Variants in MED12L observed in about 807,000 individuals in gnomAD.
The protein encoded by MED12L is mediator of RNA polymerase II transcription subunit 12-like protein.
Under a neutral mutation model 281.3 loss-of-function variants are expected in MED12L, and 60 were observed. The observed-to-expected ratio is 0.21, with a 90% CI of 0.17 to 0.26. The LOEUF (loss-of-function observed/expected upper bound fraction) is 0.26. MED12L is among the 10% of genes least tolerant of loss of function. MED12L has a pLI of 1.00. For synonymous variants in MED12L, 974 were observed against 987.2 expected (o/e 0.99, Z 0.25); for missense variants, 2,146 against 2,680.9 (o/e 0.80, Z 4.41).
At chr3:151,214,056 C>T (rs1727690961) in intron 16 of MED12L, 1 of 1,614,016 alleles carries the variant, frequency 6.2e-7, no homozygotes, top group African/African-American at 1.3e-5. Flanking sequence ...CGTTCAGCTG[C>T]CAGGGACCAA....
chr3:151,382,554 T>A, intron 32 of MED12L, 102 bp from the exon 33 acceptor site: 1 of 628,318 alleles, frequency 1.6e-6, no homozygotes, highest in East Asian at 3.3e-5. Flanking sequence ...TGTTAATTTG[T>A]TAAAGATAAG....
intron 16 of MED12L, chr3:151,300,179 G>T: frequency 1.1e-6 from 1 of 925,182 alleles, no homozygotes; most frequent in Non-Finnish European, 1.8e-6. Context: ...GTTCAGCATA[G>T]GTTATTCCTG....
chr3:151,332,942 T>G (rs992845360), intron 16 of MED12L, among the ~76,000 whole-genome samples: 1 of 152,182 alleles, frequency 6.6e-6, no homozygotes, highest in Non-Finnish European at 1.5e-5. Context: ...TTTCCTTCTT[T>G]GTGTCCATAT....
chr3:151,344,836 A>AGAAAATGTGAGTAAG (rs1752334321), intron 16 of MED12L, among the ~76,000 whole-genome samples: 1 of 152,240 alleles, frequency 6.6e-6, no homozygotes, highest in South Asian at 2.1e-4. Flanking sequence ...TTGAAATATC[A>AGAAAATGTGAGTAAG]GAAAATGTGA....
chr3:151,135,415 A>G (rs1716002937), intron 5 of MED12L, among the ~76,000 whole-genome samples: 1 of 152,240 alleles, frequency 6.6e-6, no homozygotes, highest in African/African-American at 2.4e-5. Flanking sequence ...ATATGCGACA[A>G]CTGCTACTTA....
chr3:151,355,220 A>G lies in MED12L; in HGVS notation c.2498A>G (p.Gln833Arg). Residue 833 changes from glutamine to arginine, a missense_variant, in exon 18 of 45, where the codon CAA becomes CGA. Physicochemically the swap from Gln to Arg is conservative, Grantham distance 43. Coordinates refer to ENST00000687756, the MANE Select transcript of MED12L (RefSeq NM_001393769.1). ...CTCCAGCTCCTTTCATATTTTGATC[A>G]ACATCAAGTGACATCTCAGGTAGCT... ...TKLQLLSYFD[Q>R]HQVTSQISNN... The G allele has an allele frequency of 6.2e-7, 1 of 1,611,958 alleles. No individual in the cohort carries two copies. The highest frequency in any genetic ancestry group is 8.5e-7 in the Non-Finnish European group (1 of 1,178,188).
Position 151,337,719 on chromosome 3 carries a change from A to G in MED12L, c.2251-12340A>G, listed in dbSNP as rs74398972. On this transcript the variant is annotated intron_variant, in intron 16 of 44. Coordinates refer to ENST00000687756, the MANE Select transcript of MED12L (RefSeq NM_001393769.1). ...TGTTTCTTTAGAGTCATTATTATTAACTTAGTTGCTTCTTCGTCAGTTAAT... is the reference window on the plus strand; with the variant it reads ...TGTTTCTTTAGAGTCATTATTATTAGCTTAGTTGCTTCTTCGTCAGTTAAT... 574 of 1,193,842 alleles carry G rather than the reference A, an allele frequency of 4.8e-4. 3 individuals carry two copies. The African/African-American group carries it at 8.0e-3, about 17-fold the overall frequency. The allele number at this position is 1,193,842 out of a possible 1,614,324, so 74.0% of individuals were successfully genotyped here. A position where few individuals can be genotyped will look rare whatever the true frequency, so the allele number is the denominator to read the frequency against.
At chr3:151,216,443 A>T (rs1276041834) in intron 16 of MED12L, among the ~76,000 whole-genome samples, 1 of 152,238 alleles carries the variant, frequency 6.6e-6, no homozygotes, top group African/African-American at 2.4e-5. Flanking sequence ...ATACAGTCAC[A>T]TTCCACATAA....
At chr3:151,187,450 A>G (rs1576917665) in intron 12 of MED12L, among the ~76,000 whole-genome samples, 1 of 152,370 alleles carries the variant, frequency 6.6e-6, no homozygotes, top group Non-Finnish European at 1.5e-5. Context: ...GATATTTAAA[A>G]TAATTGATTT....
chr3:151,134,589 T>C (rs1715870965), intron 5 of MED12L, among the ~76,000 whole-genome samples: 1 of 152,136 alleles, frequency 6.6e-6, no homozygotes, highest in Non-Finnish European at 1.5e-5. Flanking sequence ...GAAGACTTCA[T>C]AGTGACAGGA....
chr3:151,416,935 G>A (rs1326315144), intron 43 of MED12L, among the ~76,000 whole-genome samples: 1 of 152,182 alleles, frequency 6.6e-6, no homozygotes, highest in African/African-American at 2.4e-5. Flanking sequence ...ATTTGGAAAT[G>A]TCATATGCAT....
At chr3:151,360,768 A>G (rs1426558637) in intron 21 of MED12L, among the ~76,000 whole-genome samples, 163 bp downstream of exon 21, 2 of 152,178 alleles carry the variant, frequency 1.3e-5, no homozygotes, top group Non-Finnish European at 2.9e-5. Context: ...GAATATTAAA[A>G]TAGACAGGGA....
At chr3:151,139,921 G>A (rs969271260) in intron 5 of MED12L, among the ~76,000 whole-genome samples, 2 of 152,168 alleles carry the variant, frequency 1.3e-5, no homozygotes, top group Non-Finnish European at 2.9e-5. Context: ...ACAAAAGTTA[G>A]CTAAGCCTAA....
At chr3:151,370,889 T>C (rs1756096365) in intron 26 of MED12L, among the ~76,000 whole-genome samples, 1 of 152,208 alleles carries the variant, frequency 6.6e-6, no homozygotes, top group South Asian at 2.1e-4. Context: ...ATTAGTCTAA[T>C]CTCAAGTAGA....
At chr3:151,325,416 A>G (rs181599890) in intron 16 of MED12L, among the ~76,000 whole-genome samples, 2 of 152,260 alleles carry the variant, frequency 1.3e-5, no homozygotes, top group African/African-American at 2.4e-5. Flanking sequence ...GTCCAAAGCT[A>G]TTATTTTCTT....
intron 16 of MED12L, among the ~76,000 whole-genome samples, chr3:151,321,143 A>G (rs777419358): frequency 6.6e-6 from 1 of 152,218 alleles, no homozygotes; most frequent in Non-Finnish European, 1.5e-5. Flanking sequence ...AGGTACATCC[A>G]TAATTTTGGT....
intron 16 of MED12L, among the ~76,000 whole-genome samples, chr3:151,244,216 A>C (rs1418419826): frequency 2.2e-5 from 3 of 136,984 alleles, no homozygotes; most frequent in African/African-American, 7.8e-5. Context: ...AACGAGACAG[A>C]AAGTCAACAA....
At chr3:151,146,385 C>T (rs1021745038) in intron 5 of MED12L, among the ~76,000 whole-genome samples, 4 of 152,178 alleles carry the variant, frequency 2.6e-5, no homozygotes, top group Admixed American at 2.6e-4. Flanking sequence ...TGCTTCCTTT[C>T]CTGGGTCTCA....
chr3:151,293,028 A>G (rs1055280724), intron 16 of MED12L, among the ~76,000 whole-genome samples: 4 of 152,174 alleles, frequency 2.6e-5, no homozygotes, highest in Non-Finnish European at 4.4e-5. Context: ...TGGAATCTTG[A>G]TGGACAGATA....
Sources: gnomAD v4.1 joint callset for allele counts (sites outside exome capture counted in the v4.1 genomes callset) on GRCh38, gnomAD v4.1.1 for gene constraint, MANE v1.5 for transcripts, NCBI Gene and HGNC (gene_info 2026-07-23, HGNC 2026-07-21) for gene names.